The following OLA1 variants were observed in gnomAD, a reference collection of about 807,000 sequenced individuals.
OLA1 encodes the protein obg-like ATPase 1.
Under a neutral mutation model 48.4 loss-of-function variants are expected in OLA1, and 14 were observed. That is an observed-to-expected ratio of 0.29 (90% CI 0.19 to 0.45). The LOEUF (loss-of-function observed/expected upper bound fraction) is 0.45, where lower values mean the gene tolerates loss of function less well. OLA1 is among the 20% of genes least tolerant of loss of function. The probability of loss-of-function intolerance (pLI) is 1.00; values close to 1 mark genes in which losing one functional copy is unlikely to be tolerated. For missense variants in OLA1, 325 were observed against 467.1 expected (o/e 0.70, Z 2.80); for synonymous variants, 127 against 150.4 (o/e 0.84, Z 1.14).
intron 1 of OLA1, chr2:174,247,370 T>TTAAA (rs757408070): frequency 8.3e-4 from 225 of 272,342 alleles, no homozygotes; most frequent in South Asian, 2.4e-3. Context: ...AGGCTCTGTC[T>TTAAA]TAAATAAATA....
At position 174,137,231 on chromosome 2, in the gene OLA1, G is replaced by A. The variant is rs1024374320; in HGVS notation, c.549+4594C>T. Reference sequence around the variant, plus strand: ...TGGAATGATCAGGTACTTTGTCAATGAGCAGTAGGTCTCAATGAAAGGAAT... The same window carrying A: ...TGGAATGATCAGGTACTTTGTCAATAAGCAGTAGGTCTCAATGAAAGGAAT... On this transcript the variant is annotated intron_variant, in intron 5 of 10. Transcript: ENST00000284719. Among the ~76,000 whole-genome samples, 16 of 152,166 alleles carry A rather than the reference G, an allele frequency of 1.1e-4. 1 individual carries two copies. Among genetic ancestry groups the A allele is most frequent in the African/African-American group, 3.6e-4 (15 of 41,438 alleles).
chr2:174,095,641 T>C (rs865900909), intron 7 of OLA1, among the ~76,000 whole-genome samples: 1 of 152,048 alleles, frequency 6.6e-6, no homozygotes, highest in Non-Finnish European at 1.5e-5. Context: ...CAACTGGATA[T>C]CCACATACAA....
At chr2:174,128,351 C>T (rs1331564314) in intron 5 of OLA1, among the ~76,000 whole-genome samples, 2 of 151,674 alleles carry the variant, frequency 1.3e-5, no homozygotes, top group African/African-American at 2.4e-5. Context: ...CAGCAAACTA[C>T]GATCACGCCA....
chr2:174,162,459 G>A (rs907735656), intron 4 of OLA1, among the ~76,000 whole-genome samples: 6 of 152,150 alleles, frequency 3.9e-5, no homozygotes, highest in African/African-American at 1.4e-4. Flanking sequence ...ACCAGGCTAC[G>A]AAGGTATTAT....
At chr2:174,235,241 G>A (rs1688821360) in intron 2 of OLA1, among the ~76,000 whole-genome samples, 1 of 152,078 alleles carries the variant, frequency 6.6e-6, no homozygotes, top group South Asian at 2.1e-4. Flanking sequence ...TGAATACTAG[G>A]AAAGAGTGAT....
rs568082991 is a variant in OLA1 at position 174,127,488 on chromosome 2, C to T, written c.550-3813G>A. 5.3e-5 allele frequency among the ~76,000 whole-genome samples: 8 copies of T among 152,226 alleles called. 1 individual carries two copies. In the South Asian group the frequency reaches 1.7e-3, roughly 32 times the overall value. On this transcript the variant is annotated intron_variant, in intron 5 of 10. Coordinates refer to ENST00000284719, the MANE Select transcript of OLA1 (RefSeq NM_013341.5). ...ATAATCCAGTCATTTATTATACATT[C>T]CTAAAATACTAGACTTCTCTATCTT... is the stretch of plus-strand genomic sequence containing the variant.
chr2:174,241,299 A>G (rs922763688), intron 2 of OLA1, among the ~76,000 whole-genome samples: 7 of 152,252 alleles, frequency 4.6e-5, no homozygotes, highest in African/African-American at 1.7e-4. Flanking sequence ...TACATTCCCG[A>G]CGAACAAAAA....
chr2:174,244,620 TA>T (rs368797598), intron 2 of OLA1, among the ~76,000 whole-genome samples: 336 of 149,710 alleles, frequency 2.2e-3, no homozygotes, highest in Middle Eastern at 0.01. Context: ...TTTATTTAAT[TA>T]AAAAAAAATT....
chr2:174,125,399 A>G (rs1253148023), intron 5 of OLA1, among the ~76,000 whole-genome samples: 3 of 152,164 alleles, frequency 2.0e-5, no homozygotes, highest in East Asian at 3.9e-4. Context: ...GGTTACTATG[A>G]TGAGTGGCCA....
chr2:174,104,163 A>C (rs974527991), intron 7 of OLA1, among the ~76,000 whole-genome samples: 16 of 151,704 alleles, frequency 1.1e-4, no homozygotes, highest in Non-Finnish European at 1.6e-4. Context: ...TAAAAAAAAA[A>C]ACACAACACT....
At chr2:174,207,976 C>T (rs1329392577) in intron 4 of OLA1, among the ~76,000 whole-genome samples, 1 of 152,096 alleles carries the variant, frequency 6.6e-6, no homozygotes, top group Admixed American at 6.6e-5. Context: ...ACTGATCTCC[C>T]TACATATAGC....
intron 5 of OLA1, among the ~76,000 whole-genome samples, chr2:174,139,458 C>T (rs1329861733): frequency 1.3e-5 from 2 of 152,226 alleles, no homozygotes; most frequent in African/African-American, 4.8e-5. Context: ...GTGCTTGTTA[C>T]AGCAACCCTA....
intron 4 of OLA1, among the ~76,000 whole-genome samples, chr2:174,144,951 A>AATATATATATATATATATAT (rs71021672): frequency 1.2e-4 from 5 of 40,296 alleles, no homozygotes; most frequent in South Asian, 1.7e-3. Context: ...AAAAAAAAAA[A>AATATATATATATATATATAT]ATATATATAT....
intron 7 of OLA1, among the ~76,000 whole-genome samples, chr2:174,091,819 C>G (rs975062331): frequency 1.7e-5 from 2 of 116,258 alleles, no homozygotes; most frequent in South Asian, 5.7e-4. Context: ...TTGCAGTGAG[C>G]GGAGATCATG....
At position 174,221,179 on chromosome 2, in the gene OLA1, A is replaced by C. The variant is rs546058527; in HGVS notation, c.373+1854T>G. On this transcript the variant is annotated intron_variant, in intron 4 of 10. Coordinates refer to ENST00000284719, the MANE Select transcript of OLA1 (RefSeq NM_013341.5). ...ACTAAGAGAGCATAGTATCTACTTTAATTGGATTTTCTTTCCTTCCTTAAT... is the reference window on the plus strand; with the variant it reads ...ACTAAGAGAGCATAGTATCTACTTTCATTGGATTTTCTTTCCTTCCTTAAT... Among the ~76,000 whole-genome samples the C allele has an allele frequency of 3.3e-5, 5 of 152,254 alleles. No individual in the cohort carries two copies. The East Asian group carries it at 9.6e-4, about 29-fold the overall frequency.
intron 10 of OLA1, among the ~76,000 whole-genome samples, chr2:174,077,066 T>C (rs111634421): frequency 1.3e-5 from 2 of 152,080 alleles, no homozygotes; most frequent in Non-Finnish European, 2.9e-5. Context: ...CCATTTCCAC[T>C]GCTATCAGAA....
chr2:174,180,412 T>G (rs927973869), intron 4 of OLA1, among the ~76,000 whole-genome samples: 2 of 152,162 alleles, frequency 1.3e-5, no homozygotes, highest in Non-Finnish European at 2.9e-5. Flanking sequence ...ATAATCTGAG[T>G]ACAAATTTGT....
intron 2 of OLA1, among the ~76,000 whole-genome samples, chr2:174,230,550 T>C (rs1420677465): frequency 6.6e-6 from 1 of 152,194 alleles, no homozygotes; most frequent in Non-Finnish European, 1.5e-5. Context: ...AAAAAAATAG[T>C]ACCTCCTGAA....
chr2:174,207,586 T>A (rs575354658), intron 4 of OLA1, among the ~76,000 whole-genome samples: 227 of 152,234 alleles, frequency 1.5e-3, no homozygotes, highest in Middle Eastern at 0.01. Flanking sequence ...ATGGTGAATA[T>A]CACATTTGGG....
Sources: allele counts gnomAD v4.1 joint callset (sites outside exome capture counted in the v4.1 genomes callset), GRCh38; gene constraint gnomAD v4.1.1; transcripts MANE v1.5; gene names NCBI Gene and HGNC (gene_info 2026-07-23, HGNC 2026-07-21).